HLA-F: variants seen among roughly 807,000 people sequenced by gnomAD.
HLA-F encodes the protein major histocompatibility complex, class I, F.
HLA-F carries 46 observed loss-of-function variants against 49.5 expected under a neutral mutation model. The ratio of observed to expected loss-of-function variants is 0.93; its 90% CI spans 0.73 to 1.19. HLA-F has a LOEUF of 1.19. HLA-F is among the 50% of genes most tolerant of loss of function. The pLI is 0.00. For synonymous variants in HLA-F, 203 were observed against 233.5 expected (o/e 0.87, Z 1.19); for missense variants, 496 against 579.6 (o/e 0.86, Z 1.48).
At position 29,723,463 on chromosome 6, in the gene HLA-F, C is replaced by A; in HGVS notation, c.-1C>A. The A allele has an allele frequency of 6.2e-7, 1 of 1,613,618 alleles. No homozygotes were observed. Among genetic ancestry groups the A allele is most frequent in the South Asian group, 1.1e-5 (1 of 91,082 alleles). The stretch of plus-strand genomic sequence containing the variant: ...TTTTCCCAGACGCGGAGGTTGGGGT[C>A]ATGGCGCCCCGAAGCCTCCTCCTGC... On this transcript the variant is annotated 5_prime_UTR_variant, in exon 1 of 7. Transcript: ENST00000259951.
At chr6:29,725,896 A>G (rs543191790) in intron 5 of HLA-F, 115 bp from the exon 6 acceptor site, 1 of 1,137,902 alleles carries the variant, frequency 8.8e-7, no homozygotes. Flanking sequence ...CCTGCCCTGG[A>G]TCTACAGTTA....
At position 29,726,984 on chromosome 6, in the gene HLA-F, A is replaced by T. The variant is rs762043333; in HGVS notation, c.1138A>T (p.Ser380Cys). The part of the protein sequence containing the change: ...QGYLGCLRSH[S>C]VLGRRKVGDM... ...ATATTTGGGCTGCCTCCGGAGTCAC[A>T]GTGTCTTGGGCCGCCGGAAGGTGGG... The change falls in exon 7 of 7, where the codon AGT becomes TGT. Residue 380 changes from serine (S) to cysteine (C), a missense_variant. Physicochemically the swap from Ser to Cys is moderately radical, Grantham distance 112 (BLOSUM62 -1). Transcript: ENST00000259951. The T allele has an allele frequency of 6.2e-7, 1 of 1,613,306 alleles. No individual in the cohort carries two copies. Among genetic ancestry groups the T allele is most frequent in the Admixed American group, 1.7e-5 (1 of 60,022 alleles).
downstream of HLA-F, among the ~76,000 whole-genome samples, chr6:29,731,370 G>A (rs1272671250): frequency 1.3e-5 from 2 of 152,184 alleles, no homozygotes; most frequent in Admixed American, 6.5e-5. Context: ...GGAGAACCAA[G>A]GAAGACAGTA....
rs1775967491 is a variant in HLA-F, at chr6:29,725,643, C to T, written c.1003+80C>T. The T allele has an allele frequency of 5.0e-6, 6 of 1,210,392 alleles. No homozygotes were observed. The East Asian group carries it at 9.3e-5, about 19-fold the overall frequency. The allele number at this position is 1,210,392 out of a possible 1,614,324, so 75.0% of individuals were successfully genotyped here. A position where few individuals can be genotyped will look rare whatever the true frequency, so the allele number is the denominator to read the frequency against. ...AGCCCCAAGTAGAAGTGTGCCCTGCCTCATTACTGGGAAGCACCATCCACA... is the reference window on the plus strand; with the variant it reads ...AGCCCCAAGTAGAAGTGTGCCCTGCTTCATTACTGGGAAGCACCATCCACA... On this transcript the variant is annotated intron_variant, in intron 5 of 6. Coordinates refer to ENST00000259951, the MANE Select transcript of HLA-F (RefSeq NM_001098479.2).
intron 3 of HLA-F, among the ~76,000 whole-genome samples, chr6:29,737,408 A>AAGGT (rs1777212345): frequency 6.6e-6 from 1 of 152,184 alleles, no homozygotes; most frequent in Non-Finnish European, 1.5e-5. Flanking sequence ...AATGAGGATA[A>AAGGT]AAATATACTC....
intron 2 of HLA-F, 68 bp downstream of exon 2, chr6:29,723,995 T>C (rs2076179): frequency 0.43 from 667,441 of 1,554,830 alleles, 145,129 homozygotes; most frequent in Non-Finnish European, 0.44. Context: ...CCCGGGTCCC[T>C]CAGAGTCTCC....
At position 29,723,435 on chromosome 6, in the gene HLA-F, T is replaced by C; in HGVS notation, c.-29T>C. 3 of 1,612,776 alleles carry C rather than the reference T, an allele frequency of 1.9e-6. No homozygotes were observed. Among genetic ancestry groups the C allele is most frequent in the Non-Finnish European group, 2.5e-6 (3 of 1,179,606 alleles). On this transcript the variant is annotated 5_prime_UTR_variant, in exon 1 of 7. Coordinates refer to ENST00000259951, the MANE Select transcript of HLA-F (RefSeq NM_001098479.2). ...AGTCCCACGCACCCCGCGGGACTCA[T>C]ATTTTTCCCAGACGCGGAGGTTGGG...
At chr6:29,724,027 G>C (rs751231868) in intron 2 of HLA-F, 100 bp downstream of exon 2, 1 of 1,547,760 alleles carries the variant, frequency 6.5e-7, no homozygotes, top group Non-Finnish European at 8.7e-7. Flanking sequence ...CTACCCCGAG[G>C]CAGCGGGACC....
chr6:29,727,230 C>T lies in HLA-F; in HGVS notation c.*55C>T. 1 of 1,069,074 alleles carries T rather than the reference C, an allele frequency of 9.4e-7. No homozygotes were observed. Among genetic ancestry groups the T allele is most frequent in the Non-Finnish European group, 1.4e-6 (1 of 733,834 alleles). The allele number at this position is 1,069,074 out of a possible 1,614,324, so 66.2% of individuals were successfully genotyped here. On this transcript the variant is annotated 3_prime_UTR_variant, in exon 7 of 7. Transcript: ENST00000259951. ...GATACTAGACCACTAAATACTTCAT[C>T]ACACACCTCCTAAGAATAAGAACCA...
chr6:29,727,726 G>A (rs1306275689), downstream of HLA-F, among the ~76,000 whole-genome samples: 1 of 152,140 alleles, frequency 6.6e-6, no homozygotes, highest in Non-Finnish European at 1.5e-5. Context: ...TGACTTCCCA[G>A]AGATGCAGAA....
Position 29,726,373 on chromosome 6 carries a change from C to A in HLA-F, c.1036+330C>A. 2.5e-6 allele frequency: 4 copies of A among 1,609,992 alleles called. No homozygotes were observed. The South Asian group carries it at 3.3e-5, about 13-fold the overall frequency. On this transcript the variant is annotated intron_variant, in intron 6 of 6. Transcript: ENST00000259951. Reference sequence around the variant, plus strand: ...GTGTTACCTCTCACTGTGACTGATACGAATTTGTTCATGAATATTTTCTCT... The same window carrying A: ...GTGTTACCTCTCACTGTGACTGATAAGAATTTGTTCATGAATATTTTCTCT...
chr6:29,735,353 A>ATATATATG (rs1384968783), intron 3 of HLA-F: 1 of 110,932 alleles, frequency 9.0e-6, no homozygotes, highest in African/African-American at 3.2e-5. Flanking sequence ...ATATATATGT[A>ATATATATG]TATATATGTG....
chr6:29,731,094 C>T (rs941231685), downstream of HLA-F, among the ~76,000 whole-genome samples: 1 of 152,180 alleles, frequency 6.6e-6, no homozygotes, highest in Admixed American at 6.5e-5. Context: ...ATTCCCGCCA[C>T]TCCCACCAAT....
downstream of HLA-F, among the ~76,000 whole-genome samples, chr6:29,731,278 T>TAGATAGAG (rs1554229368): frequency 0.013 from 2,003 of 151,126 alleles, 31 homozygotes; most frequent in South Asian, 0.022. Context: ...GATAGATAGA[T>TAGATAGAG]AGACAAGAGG....
At chr6:29,723,584 C>A in intron 1 of HLA-F, 57 bp downstream of exon 1, 6 of 1,596,816 alleles carry the variant, frequency 3.8e-6, no homozygotes, top group Non-Finnish European at 5.1e-6. Context: ...GGGGCCCGCC[C>A]GGTGGGGGCG....
rs1214944742 is a variant in HLA-F at position 29,723,907 on chromosome 6, G to T, written c.314G>T (p.Arg105Leu). Reference protein sequence around the residue: ...DRVALRNLLRRYNQSEAGSHT... With the variant: ...DRVALRNLLRLYNQSEAGSHT... ...GTGGCCCTGAGGAACCTGCTCCGCC[G>T]CTACAACCAGAGCGAGGCTGGTGAG... The change falls in exon 2 of 7, where the codon CGC becomes CTC. Residue 105 changes from arginine to leucine, a missense_variant. Physicochemically the swap from Arg to Leu is moderately radical, Grantham distance 102. Coordinates refer to ENST00000259951, the MANE Select transcript of HLA-F (RefSeq NM_001098479.2). 1.3e-6 allele frequency: 2 copies of T among 1,592,784 alleles called. No individual in the cohort carries two copies. Among genetic ancestry groups the T allele is most frequent in the East Asian group, 2.3e-5 (1 of 43,830 alleles).
chr6:29,726,575 G>GTC, intron 6 of HLA-F: 3 of 1,523,174 alleles, frequency 2.0e-6, no homozygotes, highest in Middle Eastern at 2.4e-4. Context: ...GTGTGTGTGT[G>GTC]TGTGTGTGAA....
In HLA-F at chr6:29,723,747, A is replaced by T. The variant is rs1320620049; in HGVS notation, c.154A>T (p.Thr52Ser). The T allele has an allele frequency of 6.2e-7, 1 of 1,612,186 alleles. No individual in the cohort carries two copies. The highest frequency in any genetic ancestry group is 1.7e-5 in the Admixed American group (1 of 59,964). Residue 52 changes from threonine to serine, a missense_variant, in exon 2 of 7, where the codon ACG (threonine) becomes TCG (serine). By Grantham distance (58) the Thr-to-Ser change is moderately conservative. Coordinates refer to ENST00000259951, the MANE Select transcript of HLA-F (RefSeq NM_001098479.2). ...CATCGCCGTGGAGTACGTAGACGAC[A>T]CGCAATTCCTGCGGTTCGACAGCGA... ...RYIAVEYVDDTQFLRFDSDAA... is the reference protein window; with the variant it reads ...RYIAVEYVDDSQFLRFDSDAA...
In HLA-F at chr6:29,727,014, A is replaced by T. The variant is rs745582087; in HGVS notation, c.1168A>T (p.Met390Leu). The part of the protein sequence containing the change: ...SVLGRRKVGD[M>L]WILFFLWLWT... ...CTTGGGCCGCCGGAAGGTGGGTGAC[A>T]TGTGGATCTTGTTTTTTTTGTGGCT... The change falls in exon 7 of 7, where the codon ATG becomes TTG. Residue 390 changes from methionine (M) to leucine (L), a missense_variant. By Grantham distance (15) the Met-to-Leu change is conservative. Coordinates refer to ENST00000259951, the MANE Select transcript of HLA-F (RefSeq NM_001098479.2). 6.2e-7 allele frequency: 1 copy of T among 1,613,502 alleles called. No homozygotes were observed. The highest frequency in any genetic ancestry group is 8.5e-7 in the Non-Finnish European group (1 of 1,180,028).
Sources: gnomAD v4.1 joint callset for allele counts (sites outside exome capture counted in the v4.1 genomes callset) on GRCh38, gnomAD v4.1.1 for gene constraint, MANE v1.5 for transcripts, NCBI Gene and HGNC (gene_info 2026-07-23, HGNC 2026-07-21) for gene names.